The following SPC24 variants were observed in gnomAD, a reference collection of about 807,000 sequenced individuals.
The protein encoded by SPC24 is SPC24 component of NDC80 kinetochore complex, also known as kinetochore protein Spc24.
Under a neutral mutation model 27.6 loss-of-function variants are expected in SPC24, and 31 were observed. The observed-to-expected ratio is 1.12, with a 90% CI of 0.84 to 1.52. SPC24 has a LOEUF of 1.52. SPC24 is among the 40% of genes most tolerant of loss of function. The pLI is 0.00. For synonymous variants in SPC24, 105 were observed against 105.8 expected (o/e 0.99, Z 0.05); for missense variants, 284 against 252.5 (o/e 1.12, Z -0.84).
Position 11,155,743 on chromosome 19 carries a change from G to A in SPC24, c.34C>T (p.Gln12Ter). 14 of 1,578,330 alleles carry A rather than the reference G, an allele frequency of 8.9e-6. No homozygotes were observed. Among genetic ancestry groups the A allele is most frequent in the South Asian group, 1.1e-5 (1 of 88,298 alleles). ...AAFRDIEEVS[Q>*]GLLSLLGANR... Reference sequence around the variant, plus strand: ...GCGCCCAGCAGGCTGAGCAGCCCCTGGCTCACCTCCTCTATGTCGCGGAAG... The same window carrying A: ...GCGCCCAGCAGGCTGAGCAGCCCCTAGCTCACCTCCTCTATGTCGCGGAAG... The change falls in exon 1 of 5, where the codon CAG (glutamine) becomes TAG (stop). Residue 12 changes from glutamine to a stop codon, truncating the protein, a stop_gained. Coordinates refer to ENST00000592540, the MANE Select transcript of SPC24 (RefSeq NM_182513.4). LOFTEE classifies it high-confidence loss of function.
rs2077905888 is a variant in SPC24, at chr19:11,155,695, G to A, written c.82C>T (p.Arg28Ter). 3 of 1,568,762 alleles carry A rather than the reference G, an allele frequency of 1.9e-6. No homozygotes were observed. The highest frequency in any genetic ancestry group is 1.4e-5 in the African/African-American group (1 of 73,566). The change falls in exon 1 of 5, where the codon CGA (arginine) becomes TGA (stop). Residue 28 changes from arginine (R) to a stop codon, truncating the protein, a stop_gained. Coordinates refer to ENST00000592540, the MANE Select transcript of SPC24 (RefSeq NM_182513.4). LOFTEE classifies it high-confidence loss of function. ...LGANRAEAQQ[R>*]RLLGRHEQVV... ...TGCTCGTGGCGCCCCAGCAGCCGTC[G>A]CTGCTGCGCCTCCGCGCGGTTGGCG... is the stretch of plus-strand genomic sequence containing the variant.
rs71164155 is a variant in SPC24 at position 11,147,080 on chromosome 19, CAAA to C, written c.*100_*102del. 1,691 of 394,914 alleles carry C rather than the reference CAAA, an allele frequency of 4.3e-3. No individual in the cohort carries two copies. The highest frequency in any genetic ancestry group is 6.3e-3 in the Middle Eastern group (9 of 1,418). 24.5% of individuals were successfully genotyped at this position (394,914 alleles called of 1,614,324 possible). Reference sequence around the variant, plus strand: ...GGACAACAAGAGTGAAACTCTGTCTCAAAAAAAAAAAAAAAAAGATCTATGTCC... The same window carrying C: ...GGACAACAAGAGTGAAACTCTGTCTCAAAAAAAAAAAAAAGATCTATGTCC... On this transcript the variant is annotated 3_prime_UTR_variant, in exon 5 of 5. Transcript: ENST00000592540.
At position 11,146,918 on chromosome 19, in the gene SPC24, C is replaced by G. The variant is rs1171827047; in HGVS notation, c.*265G>C. On this transcript the variant is annotated 3_prime_UTR_variant, in exon 5 of 5. Transcript: ENST00000592540. ...CACCATGGTGAAACTCCATCTCTAC[C>G]AAATACAAAAAATTAGCTGGGTGTG... The G allele has an allele frequency of 4.4e-5, 10 of 224,804 alleles. No individual in the cohort carries two copies. Among genetic ancestry groups the G allele is most frequent in the Non-Finnish European group, 2.7e-5 (3 of 112,968 alleles). 13.9% of individuals were successfully genotyped at this position (224,804 alleles called of 1,614,324 possible).
chr19:11,150,633 A>G (rs1259645644), intron 1 of SPC24, among the ~76,000 whole-genome samples: 1 of 151,834 alleles, frequency 6.6e-6, no homozygotes, highest in Non-Finnish European at 1.5e-5. Flanking sequence ...CATCTCTACT[A>G]AAAACACAAA....
chr19:11,148,155 G>C (rs778076304), intron 2 of SPC24, 38 bp from the exon 3 acceptor site: 46 of 1,458,022 alleles, frequency 3.2e-5, no homozygotes, highest in Middle Eastern at 1.9e-4. Flanking sequence ...TTTCGAGAGA[G>C]GGCTGCCCCT....
At chr19:11,147,331 T>C in intron 4 of SPC24, 42 bp from the exon 5 acceptor site, 1 of 1,348,860 alleles carries the variant, frequency 7.4e-7, no homozygotes, top group Non-Finnish European at 1.0e-6. Context: ...ACACAGCCCC[T>C]CACACAACCC....
chr19:11,154,103 A>G (rs1410977113), intron 1 of SPC24, among the ~76,000 whole-genome samples: 1 of 151,938 alleles, frequency 6.6e-6, no homozygotes, highest in Non-Finnish European at 1.5e-5. Context: ...TCTTGAAGAG[A>G]TATTTGGGCA....
chr19:11,149,218 C>G lies in SPC24; in HGVS notation c.181G>C (p.Glu61Gln). Residue 61 changes from glutamate to glutamine, a missense_variant, in exon 2 of 5, where the codon GAA becomes CAA. Glu to Gln is a conservative substitution (Grantham distance 29). Coordinates refer to ENST00000592540, the MANE Select transcript of SPC24 (RefSeq NM_182513.4). ...GCATTGAGAAGGCTCTGGGCCACTTCCTTCTCCATGGTGAGGATCTCTGCA... is the reference window on the plus strand; with the variant it reads ...GCATTGAGAAGGCTCTGGGCCACTTGCTTCTCCATGGTGAGGATCTCTGCA... ...QLREILTMEK[E>Q]VAQSLLNAKE... The G allele has an allele frequency of 6.5e-7, 1 of 1,548,546 alleles. No homozygotes were observed. The highest frequency in any genetic ancestry group is 8.7e-7 in the Non-Finnish European group (1 of 1,145,682).
intron 1 of SPC24, among the ~76,000 whole-genome samples, chr19:11,155,060 C>T (rs2077900747): frequency 6.6e-6 from 1 of 152,060 alleles, no homozygotes; most frequent in African/African-American, 2.4e-5. Flanking sequence ...GTGGCAAGCG[C>T]CTGTAATCCC....
At chr19:11,151,184 ATGC>A (rs2077868516) in intron 1 of SPC24, among the ~76,000 whole-genome samples, 1 of 143,412 alleles carries the variant, frequency 7.0e-6, no homozygotes. Flanking sequence ...AAAAAAAAAA[ATGC>A]TTCCCAAAGG....
rs1002438343 is a variant in SPC24 at position 11,147,417 on chromosome 19, G to A, written c.488-128C>T. 3 of 639,338 alleles carry A rather than the reference G, an allele frequency of 4.7e-6. No homozygotes were observed. The African/African-American group carries it at 5.5e-5, about 12-fold the overall frequency. 39.6% of individuals were successfully genotyped at this position (639,338 alleles called of 1,614,324 possible). On this transcript the variant is annotated intron_variant, in intron 4 of 4. Coordinates refer to ENST00000592540, the MANE Select transcript of SPC24 (RefSeq NM_182513.4). ...ATTCTGTAGGCCAGGCTGGAGTACAGTGGTGCGATCTCGGCTCATTGCAAC... is the reference window on the plus strand; with the variant it reads ...ATTCTGTAGGCCAGGCTGGAGTACAATGGTGCGATCTCGGCTCATTGCAAC...
At position 11,147,114 on chromosome 19, in the gene SPC24, T is replaced by G; in HGVS notation, c.*69A>C. 3.6e-6 allele frequency: 3 copies of G among 822,688 alleles called. No homozygotes were observed. Among genetic ancestry groups the G allele is most frequent in the Non-Finnish European group, 3.7e-6 (2 of 534,714 alleles). 51.0% of individuals were successfully genotyped at this position (822,688 alleles called of 1,614,324 possible). A position where few individuals can be genotyped will look rare whatever the true frequency, so the allele number is the denominator to read the frequency against. On this transcript the variant is annotated 3_prime_UTR_variant, in exon 5 of 5. Coordinates refer to ENST00000592540, the MANE Select transcript of SPC24 (RefSeq NM_182513.4). ...AAAAAAAAAGATCTATGTCCCCACA[T>G]TTCATTTGAAATGGATCTGACCACG...
intron 1 of SPC24, among the ~76,000 whole-genome samples, chr19:11,152,701 T>C (rs1475513454): frequency 2.0e-5 from 3 of 151,966 alleles, no homozygotes; most frequent in Admixed American, 2.0e-4. Flanking sequence ...TCCATTCTGC[T>C]AACAGCCAGG....
chr19:11,149,153 C>T lies in SPC24; in HGVS notation c.246G>A (p.Gln82=), dbSNP rs1300930147. ...QVHQGGVELQ[Q]LEAGLQEAGE... ...CAGCCTCCTGAAGCCCAGCTTCCAG[C>T]TGCTGCAGCTCCACGCCTCCCTGGT... Residue 82 remains glutamine, a synonymous_variant, in exon 2 of 5, where the codon CAG becomes CAA. Transcript: ENST00000592540. The T allele has an allele frequency of 1.3e-6, 2 of 1,549,562 alleles. No homozygotes were observed. Among genetic ancestry groups the T allele is most frequent in the African/African-American group, 2.7e-5 (2 of 72,968 alleles).
Position 11,145,787 on chromosome 19 carries a change from T to C in SPC24, c.*1396A>G, listed in dbSNP as rs1167196453. 2 of 152,194 alleles carry C rather than the reference T, an allele frequency of 1.3e-5. No homozygotes were observed. Among genetic ancestry groups the C allele is most frequent in the African/African-American group, 4.8e-5 (2 of 41,442 alleles). The allele number at this position is 152,194 out of a possible 1,614,324, so 9.4% of individuals were successfully genotyped here. ...GGTGTATTTGTCTTTTAAGAATCCT[T>C]CTAGAAGTGTCATGTAACATTTCCA... On this transcript the variant is annotated 3_prime_UTR_variant, in exon 5 of 5. Coordinates refer to ENST00000592540, the MANE Select transcript of SPC24 (RefSeq NM_182513.4).
In SPC24 at chr19:11,149,083, G is replaced by T. The variant is rs760778987; in HGVS notation, c.305+11C>A. On this transcript the variant is annotated intron_variant, in intron 2 of 4. Transcript: ENST00000592540. ...TTCTAGCAAGGCTGATCCCCTAGCAGAAAAGGATATAGGAGGCTGGCCTTC... is the reference window on the plus strand; with the variant it reads ...TTCTAGCAAGGCTGATCCCCTAGCATAAAAGGATATAGGAGGCTGGCCTTC... 6.7e-7 allele frequency: 1 copy of T among 1,496,636 alleles called. No homozygotes were observed. The highest frequency in any genetic ancestry group is 1.4e-5 in the African/African-American group (1 of 70,772). 92.7% of individuals were successfully genotyped at this position (1,496,636 alleles called of 1,614,324 possible).
Position 11,155,600 on chromosome 19 carries a change from C to G in SPC24, c.160+17G>C. ...GCCCCTTCCCCCGTGGGCCCGCGAC[C>G]ACGCTCCGACCCTCACCTCGCAGCT... On this transcript the variant is annotated intron_variant, in intron 1 of 4. Transcript: ENST00000592540. The G allele has an allele frequency of 6.5e-7, 1 of 1,535,244 alleles. No individual in the cohort carries two copies. The highest frequency in any genetic ancestry group is 8.7e-7 in the Non-Finnish European group (1 of 1,146,350).
At chr19:11,151,145 A>G (rs914416354) in intron 1 of SPC24, among the ~76,000 whole-genome samples, 1 of 136,542 alleles carries the variant, frequency 7.3e-6, no homozygotes, top group African/African-American at 2.8e-5. Flanking sequence ...CCTGGGCGAC[A>G]GAGCCAGACT....
chr19:11,155,760 T>C lies in SPC24; in HGVS notation c.17A>G (p.Asp6Gly). 1.9e-6 allele frequency: 3 copies of C among 1,548,874 alleles called. No homozygotes were observed. Among genetic ancestry groups the C allele is most frequent in the African/African-American group, 2.8e-5 (2 of 72,200 alleles). ...CAGCCCCTGGCTCACCTCCTCTATGTCGCGGAAGGCGGCCATGACTACGCC... is the reference window on the plus strand; with the variant it reads ...CAGCCCCTGGCTCACCTCCTCTATGCCGCGGAAGGCGGCCATGACTACGCC... MAAFR[D>G]IEEVSQGLLS... The change falls in exon 1 of 5, where the codon GAC (aspartate) becomes GGC (glycine). Residue 6 changes from aspartate to glycine, a missense_variant. Coordinates refer to ENST00000592540, the MANE Select transcript of SPC24 (RefSeq NM_182513.4).
Sources: allele counts gnomAD v4.1 joint callset (sites outside exome capture counted in the v4.1 genomes callset), GRCh38; gene constraint gnomAD v4.1.1; transcripts MANE v1.5; gene names NCBI Gene and HGNC (gene_info 2026-07-23, HGNC 2026-07-21).